The following RBFOX1 variants were observed in gnomAD, a reference collection of about 807,000 sequenced individuals.
RBFOX1 encodes RNA binding protein fox-1 homolog 1.
In RBFOX1, 8 loss-of-function variants were observed where a neutral mutation model predicts 57.7. That is an observed-to-expected ratio of 0.14 (90% CI 0.08 to 0.25). RBFOX1 has a LOEUF of 0.25. Among genes scored for constraint, RBFOX1 ranks in the 10% least tolerant of loss-of-function variants. The pLI is 1.00. For missense variants in RBFOX1, 611 were observed against 548.5 expected (o/e 1.11, Z -1.14); for synonymous variants, 326 against 222.4 (o/e 1.47, Z -4.15).
intron 2 of RBFOX1, among the ~76,000 whole-genome samples, chr16:6,409,346 G>A (rs369455220): frequency 4.6e-5 from 7 of 152,212 alleles, no homozygotes; most frequent in East Asian, 1.9e-4. Flanking sequence ...CCTGGGAGGC[G>A]GATGTTGCAG....
At chr16:6,661,060 C>T (rs1367269870) in intron 3 of RBFOX1, among the ~76,000 whole-genome samples, 2 of 152,124 alleles carry the variant, frequency 1.3e-5, no homozygotes, top group Non-Finnish European at 2.9e-5. Context: ...AAGGTGATAC[C>T]TTCATATCTT....
At chr16:5,817,949 A>G (rs7201622) in intron 3 of RBFOX1, among the ~76,000 whole-genome samples, 1 of 151,494 alleles carries the variant, frequency 6.6e-6, no homozygotes, top group Non-Finnish European at 1.5e-5. Context: ...CTCGGCCTCC[A>G]AAAGTGCTGG....
chr16:6,847,272 T>A lies in RBFOX1; in HGVS notation c.-16+192622T>A, dbSNP rs1260258852. Among the ~76,000 whole-genome samples the A allele has an allele frequency of 2.6e-5, 4 of 152,044 alleles. No homozygotes were observed. The East Asian group carries it at 7.7e-4, about 29-fold the overall frequency. On this transcript the variant is annotated intron_variant, in intron 3 of 15. Coordinates refer to ENST00000550418, the MANE Select transcript of RBFOX1 (RefSeq NM_018723.4). ...TCATGCCTTTCTAGGCTGGCTGGGG[T>A]TTGGCTGGCCCAGACTGTGCTCATT...
At chr16:7,177,541 T>A (rs1312514090) in intron 4 of RBFOX1, among the ~76,000 whole-genome samples, 1 of 152,150 alleles carries the variant, frequency 6.6e-6, no homozygotes, top group African/African-American at 2.4e-5. Context: ...TTATATGGTT[T>A]TCTACCTTGT....
At chr16:7,349,238 C>A (rs1334690253) in intron 4 of RBFOX1, among the ~76,000 whole-genome samples, 2 of 152,126 alleles carry the variant, frequency 1.3e-5, no homozygotes, top group African/African-American at 4.8e-5. Context: ...TCCTGGCAGC[C>A]TTCTATCACA....
At chr16:6,398,196 C>T (rs1051847865) in intron 2 of RBFOX1, among the ~76,000 whole-genome samples, 2 of 152,246 alleles carry the variant, frequency 1.3e-5, no homozygotes, top group Non-Finnish European at 2.9e-5. Flanking sequence ...ATCAGGGTCA[C>T]CGCCCCCATG....
chr16:5,758,537 A>G (rs1008368914), intron 3 of RBFOX1, among the ~76,000 whole-genome samples: 10 of 152,204 alleles, frequency 6.6e-5, no homozygotes, highest in African/African-American at 2.4e-4. Flanking sequence ...ATTTCTGTGA[A>G]GTTGCTTTGT....
At chr16:5,791,899 G>T (rs1164853682) in intron 3 of RBFOX1, among the ~76,000 whole-genome samples, 1 of 152,170 alleles carries the variant, frequency 6.6e-6, no homozygotes, top group Admixed American at 6.5e-5. Flanking sequence ...GAGGTTTTGG[G>T]AAGAACCAGC....
At chr16:7,042,052 C>A (rs79751261) in intron 3 of RBFOX1, among the ~76,000 whole-genome samples, 14,332 of 152,116 alleles carry the variant, frequency 0.094, 1,106 homozygotes, top group East Asian at 0.32. Context: ...AAAACTGGAT[C>A]TACAGAAGGG....
At chr16:6,883,960 A>G (rs1410587840) in intron 3 of RBFOX1, among the ~76,000 whole-genome samples, 1 of 152,128 alleles carries the variant, frequency 6.6e-6, no homozygotes, top group Non-Finnish European at 1.5e-5. Context: ...CACGGTCCAA[A>G]GCGCAGAGGA....
chr16:6,818,837 G>C (rs897954416), intron 3 of RBFOX1, among the ~76,000 whole-genome samples: 8 of 152,084 alleles, frequency 5.3e-5, no homozygotes, highest in Non-Finnish European at 8.8e-5. Flanking sequence ...TGGGCATATC[G>C]CCCAACTCAG....
At chr16:7,017,799 G>C (rs1003767361) in intron 3 of RBFOX1, among the ~76,000 whole-genome samples, 8 of 152,172 alleles carry the variant, frequency 5.3e-5, no homozygotes, top group Non-Finnish European at 7.3e-5. Context: ...GAACATCGTG[G>C]TGTGCTTAAG....
At chr16:6,563,693 A>G (rs1397720245) in intron 2 of RBFOX1, among the ~76,000 whole-genome samples, 1 of 152,084 alleles carries the variant, frequency 6.6e-6, no homozygotes, top group African/African-American at 2.4e-5. Context: ...AAATACAAAA[A>G]AAGTAGCCAA....
At chr16:5,966,885 C>T (rs1289040800) in intron 4 of RBFOX1, among the ~76,000 whole-genome samples, 2 of 151,060 alleles carry the variant, frequency 1.3e-5, no homozygotes, top group Non-Finnish European at 2.9e-5. Flanking sequence ...ACTATCCTGT[C>T]CTCTTCCCAA....
intron 2 of RBFOX1, among the ~76,000 whole-genome samples, chr16:5,556,004 G>A (rs370486928): frequency 1.3e-5 from 2 of 151,858 alleles, no homozygotes; most frequent in South Asian, 2.1e-4. Flanking sequence ...CTGGGCAAGA[G>A]AGTGAGACTC....
chr16:6,908,333 A>T (rs1047269797), intron 3 of RBFOX1, among the ~76,000 whole-genome samples: 1 of 148,522 alleles, frequency 6.7e-6, no homozygotes, highest in African/African-American at 2.4e-5. Flanking sequence ...TGTCTTGTTC[A>T]TCCAAGTTAC....
intron 3 of RBFOX1, among the ~76,000 whole-genome samples, chr16:6,817,407 C>G (rs747454307): frequency 9.9e-5 from 15 of 151,760 alleles, no homozygotes; most frequent in East Asian, 1.9e-4. Flanking sequence ...TTAAAATTAA[C>G]TTTTAGCTGG....
chr16:5,350,455 A>G (rs769831954), intron 1 of RBFOX1, among the ~76,000 whole-genome samples: 2 of 152,110 alleles, frequency 1.3e-5, no homozygotes, highest in Non-Finnish European at 2.9e-5. Context: ...GTGATGGTTA[A>G]CAGTGTGGTT....
rs139362850 is a variant in RBFOX1, at chr16:5,550,463, A to C, written c.259-48439A>C. 8.9e-3 allele frequency among the ~76,000 whole-genome samples: 1,355 copies of C among 152,262 alleles called. 10 individuals carry two copies. Among genetic ancestry groups the C allele is most frequent in the Non-Finnish European group, 0.015 (1,017 of 68,002 alleles). On this transcript the variant is annotated intron_variant, in intron 2 of 2. Coordinates refer to the RBFOX1 transcript ENST00000585867. ...CCACCAAAGAAGGCTGAGGCTGCCC[A>C]GGGGGGCAGTAGGAAGGGGAGCCAG...
Sources: allele counts gnomAD v4.1 joint callset (sites outside exome capture counted in the v4.1 genomes callset), GRCh38; gene constraint gnomAD v4.1.1; transcripts MANE v1.5; gene names NCBI Gene and HGNC (gene_info 2026-07-23, HGNC 2026-07-21).